BAHCC1: variants seen among roughly 807,000 people sequenced by gnomAD.
The protein encoded by BAHCC1 is BAH and coiled-coil domain-containing protein 1.
BAHCC1 carries 43 observed loss-of-function variants against 88.2 expected under a neutral mutation model. The observed-to-expected ratio is 0.49, with a 90% CI of 0.38 to 0.63. The LOEUF is 0.63. Ranked by LOEUF, BAHCC1 falls within the 20% of genes least tolerant of loss-of-function variation. The probability of loss-of-function intolerance (pLI) is 0.00; values close to 1 mark genes in which losing one functional copy is unlikely to be tolerated. For missense variants in BAHCC1, 3,023 were observed against 1,654.8 expected (o/e 1.83, Z -14.34); for synonymous variants, 1,510 against 745.5 (o/e 2.03, Z -16.71).
intron 2 of BAHCC1, chr17:81,422,000 C>A: frequency 2.9e-6 from 1 of 343,668 alleles, no homozygotes; most frequent in South Asian, 2.0e-5. Flanking sequence ...CGGGTGACTC[C>A]GCTTCCTCTC....
At chr17:81,423,838 G>A (rs1219658333) in intron 2 of BAHCC1, among the ~76,000 whole-genome samples, 3 of 152,262 alleles carry the variant, frequency 2.0e-5, no homozygotes, top group African/African-American at 7.2e-5. Context: ...CCACAGGCAA[G>A]CATGCAGGCG....
At chr17:81,456,179 G>GCAGGGGCCTCGAGGTAC (rs1213935837) in intron 15 of BAHCC1, 118 bp from the exon 16 acceptor site, 7 of 606,844 alleles carry the variant, frequency 1.2e-5, no homozygotes, top group Non-Finnish European at 2.0e-5. Flanking sequence ...TGGATCGAGG[G>GCAGGGGCCTCGAGGTAC]CAGGGGCCTC....
chr17:81,414,583 G>A (rs555139349), intron 2 of BAHCC1, among the ~76,000 whole-genome samples: 2 of 152,312 alleles, frequency 1.3e-5, no homozygotes, highest in South Asian at 2.1e-4. Context: ...TCCTAGGAAC[G>A]CCGAGTTTTT....
Position 81,445,002 on chromosome 17 carries a change from G to C in BAHCC1, c.2672-13G>C. 1 of 749,930 alleles carries C rather than the reference G, an allele frequency of 1.3e-6. No homozygotes were observed. Among genetic ancestry groups the C allele is most frequent in the Non-Finnish European group, 2.5e-6 (1 of 406,498 alleles). The allele number at this position is 749,930 out of a possible 1,614,324, so 46.5% of individuals were successfully genotyped here. On this transcript the variant is annotated splice_polypyrimidine_tract_variant and intron_variant, in intron 8 of 27. Transcript: ENST00000675386. ...CCCCAGCCAGGCTGACCCCTCCTGG[G>C]CCCTGCCCACAGCGGATGTCATGGA...
At chr17:81,439,200 C>T (rs1305601029) in intron 4 of BAHCC1, among the ~76,000 whole-genome samples, 1 of 152,186 alleles carries the variant, frequency 6.6e-6, no homozygotes, top group African/African-American at 2.4e-5. Flanking sequence ...GGGTCCTTAT[C>T]TCCAAGTTGG....
At chr17:81,430,148 G>A (rs1157700652) in intron 3 of BAHCC1, among the ~76,000 whole-genome samples, 3 of 152,146 alleles carry the variant, frequency 2.0e-5, no homozygotes, top group African/African-American at 7.2e-5. Flanking sequence ...GGGTGGATGA[G>A]GATGAGAGCA....
At chr17:81,439,021 T>C (rs572634220) in intron 4 of BAHCC1, among the ~76,000 whole-genome samples, 281 of 151,938 alleles carry the variant, frequency 1.8e-3, no homozygotes, top group Non-Finnish European at 3.2e-3. Context: ...GCTCACCCCA[T>C]TGGCAGCAGG....
chr17:81,435,558 AG>A lies in BAHCC1; in HGVS notation c.359-2808del, dbSNP rs1249402486. On this transcript the variant is annotated intron_variant, in intron 3 of 27. Coordinates refer to ENST00000675386, the MANE Select transcript of BAHCC1 (RefSeq NM_001377448.1). The surrounding 1 kb of genome is among the most constrained non-coding windows in gnomAD (Gnocchi z 4.4). ...GCTCCCGTCTCAAAGGGGTCTGGGA[AG>A]GGGAGGTTCTGGAGCCCCGACGTTC... 1.1e-5 allele frequency: 5 copies of A among 463,288 alleles called. 1 individual carries two copies. In the Middle Eastern group the frequency reaches 9.8e-4, roughly 91 times the overall value. The allele number at this position is 463,288 out of a possible 1,614,324, so 28.7% of individuals were successfully genotyped here.
In BAHCC1 at chr17:81,438,472, G is replaced by A. The variant is rs782237328; in HGVS notation, c.461G>A (p.Arg154His). 1.2e-5 allele frequency: 9 copies of A among 772,580 alleles called. No homozygotes were observed. Among genetic ancestry groups the A allele is most frequent in the African/African-American group, 6.8e-5 (4 of 59,034 alleles). The allele number at this position is 772,580 out of a possible 1,614,324, so 47.9% of individuals were successfully genotyped here. ...AGCAACGTTCTCTATGGGCAGCACCGTTTCTATGGAACCCAAAAAGGCAAG... is the reference window on the plus strand; with the variant it reads ...AGCAACGTTCTCTATGGGCAGCACCATTTCTATGGAACCCAAAAAGGCAAG... ...GNSNVLYGQHRFYGTQKDNFY... is the reference protein window; with the variant it reads ...GNSNVLYGQHHFYGTQKDNFY... The change falls in exon 4 of 28, where the codon CGT becomes CAT. Residue 154 changes from arginine to histidine, a missense_variant. Coordinates refer to ENST00000675386, the MANE Select transcript of BAHCC1 (RefSeq NM_001377448.1).
rs200238472 is a variant in BAHCC1 at position 81,460,915 on chromosome 17, C to G, written c.6252C>G (p.Ser2084=). The G allele has an allele frequency of 6.5e-6, 5 of 768,244 alleles. No homozygotes were observed. The highest frequency in any genetic ancestry group is 1.2e-5 in the Non-Finnish European group (5 of 417,900). 47.6% of individuals were successfully genotyped at this position (768,244 alleles called of 1,614,324 possible). A position where few individuals can be genotyped will look rare whatever the true frequency, so the allele number is the denominator to read the frequency against. The change falls in exon 26 of 28, where the codon TCC becomes TCG. Residue 2084 remains serine (S), a synonymous_variant. Transcript: ENST00000675386. ...TSGAKSPTGA[S]DHFLGRRGSP... is the part of the protein sequence containing the mutation. ...GTGCCAAATCCCCCACGGGGGCCTC[C>G]GACCACTTCCTGGGCCGCCGTGGCA...
chr17:81,426,010 G>A (rs2064189989), intron 2 of BAHCC1, among the ~76,000 whole-genome samples: 1 of 137,082 alleles, frequency 7.3e-6, no homozygotes, highest in African/African-American at 2.8e-5. Context: ...GTGGTTGGGG[G>A]TGATGGTGGG....
rs1264321760 is a variant in BAHCC1 at position 81,443,579 on chromosome 17, CAG to C, written c.2215+20_2215+21del. On this transcript the variant is annotated intron_variant, in intron 5 of 27. Coordinates refer to ENST00000675386, the MANE Select transcript of BAHCC1 (RefSeq NM_001377448.1). ...CGCCTTCAAAGGTACAGGCCCTGCA[CAG>C]AGAGGGAGGCAGGCCGGGACAGTCT... 9 of 624,996 alleles carry C rather than the reference CAG, an allele frequency of 1.4e-5. No homozygotes were observed. Among genetic ancestry groups the C allele is most frequent in the South Asian group, 3.5e-5 (2 of 56,560 alleles). The allele number at this position is 624,996 out of a possible 1,614,324, so 38.7% of individuals were successfully genotyped here.
At chr17:81,406,464 G>A (rs880001165) in intron 2 of BAHCC1, among the ~76,000 whole-genome samples, 8 of 152,158 alleles carry the variant, frequency 5.3e-5, no homozygotes, top group Non-Finnish European at 1.0e-4. Context: ...AAGACACAGT[G>A]TAACAAGCAA....
At chr17:81,441,361 T>C (rs1860172256) in intron 4 of BAHCC1, among the ~76,000 whole-genome samples, 1 of 152,120 alleles carries the variant, frequency 6.6e-6, no homozygotes, top group Admixed American at 6.5e-5. Context: ...TACAATTTTA[T>C]AAAAACAAAA....
intron 2 of BAHCC1, among the ~76,000 whole-genome samples, chr17:81,404,067 C>T (rs1416136341): frequency 6.6e-6 from 1 of 152,202 alleles, no homozygotes; most frequent in Non-Finnish European, 1.5e-5. Flanking sequence ...CCAAACGTTC[C>T]CCGGTTATTC....
intron 1 of BAHCC1, among the ~76,000 whole-genome samples, chr17:81,397,547 C>G (rs782071320): frequency 6.6e-6 from 1 of 152,150 alleles, no homozygotes; most frequent in Admixed American, 6.5e-5. Context: ...ACCTCCCTCC[C>G]TTTCCTTCTT....
In BAHCC1 at chr17:81,464,065, C is replaced by T; in HGVS notation, c.*248C>T. Reference sequence around the variant, plus strand: ...GGCTGTGGCCCTCATGGGTCCCCGGCCCGCCCCACCCACAGCGCCCTCCGT... The same window carrying T: ...GGCTGTGGCCCTCATGGGTCCCCGGTCCGCCCCACCCACAGCGCCCTCCGT... On this transcript the variant is annotated 3_prime_UTR_variant, in exon 28 of 28. Transcript: ENST00000675386. 1.8e-6 allele frequency: 1 copy of T among 570,352 alleles called. No homozygotes were observed. Among genetic ancestry groups the T allele is most frequent in the Non-Finnish European group, 3.1e-6 (1 of 317,722 alleles). 35.3% of individuals were successfully genotyped at this position (570,352 alleles called of 1,614,324 possible).
chr17:81,418,814 T>C (rs371376856), intron 2 of BAHCC1, among the ~76,000 whole-genome samples: 3 of 96,920 alleles, frequency 3.1e-5, no homozygotes, highest in East Asian at 3.5e-4. Flanking sequence ...TGTGTACGTG[T>C]GTGTGTGTGT....
rs577539429 is a variant in BAHCC1, at chr17:81,414,647, G to T, written c.179-12153G>T. ...TGAATAAGATGAACGTGTGTGTCGT[G>T]AGGACGTGGGTCCGTGCGGCAGGAG... On this transcript the variant is annotated intron_variant, in intron 2 of 27. Coordinates refer to ENST00000675386, the MANE Select transcript of BAHCC1 (RefSeq NM_001377448.1). Among the ~76,000 whole-genome samples the T allele has an allele frequency of 7.9e-5, 12 of 152,338 alleles. No individual in the cohort carries two copies. The South Asian group carries it at 1.4e-3, about 18-fold the overall frequency.
Sources: allele counts gnomAD v4.1 joint callset (sites outside exome capture counted in the v4.1 genomes callset), GRCh38; gene constraint gnomAD v4.1.1; non-coding constraint Gnocchi (gnomAD v3.1); transcripts MANE v1.5; gene names NCBI Gene and HGNC (gene_info 2026-07-23, HGNC 2026-07-21).